The following GBE1 variants were observed in gnomAD, a reference collection of about 807,000 sequenced individuals.
GBE1 encodes the protein 1,4-alpha-glucan-branching enzyme.
A neutral mutation model predicts 88.8 loss-of-function variants in GBE1; 70 were observed. The ratio of observed to expected loss-of-function variants is 0.79; its 90% confidence interval spans 0.65 to 0.96. The LOEUF is 0.96. Ranked by LOEUF, GBE1 falls within the 40% of genes least tolerant of loss-of-function variation. The pLI is 0.00. For synonymous variants in GBE1, 284 were observed against 300.1 expected (o/e 0.95, Z 0.56); for missense variants, 872 against 871.0 (o/e 1.00, Z -0.01).
chr3:81,724,006 AG>A (rs1229645999), intron 1 of GBE1, among the ~76,000 whole-genome samples: 2 of 152,162 alleles, frequency 1.3e-5, no homozygotes, highest in Non-Finnish European at 2.9e-5. Flanking sequence ...GGAAAACACA[AG>A]GTTTCAAATT....
intron 1 of GBE1, among the ~76,000 whole-genome samples, chr3:81,740,135 G>A (rs1706325294): frequency 6.6e-6 from 1 of 152,116 alleles, no homozygotes; most frequent in African/African-American, 2.4e-5. Flanking sequence ...TGAGGCAGGA[G>A]GATTGATTGA....
intron 12 of GBE1, among the ~76,000 whole-genome samples, chr3:81,567,429 G>C (rs1703508434): frequency 6.6e-6 from 1 of 152,140 alleles, no homozygotes; most frequent in African/African-American, 2.4e-5. Flanking sequence ...AAATTCATAT[G>C]TTGAGAAATA....
rs759640224 is a variant in GBE1, at chr3:81,761,339, CCTGT to C, written c.143+32_143+35del. On this transcript the variant is annotated intron_variant, in intron 1 of 15. Transcript: ENST00000429644. ...GAGACGGCTCCTGGGAGGCGGGCTG[CCTGT>C]CTAAGTGGGGGTGGTGGGATTCCGG... The C allele has an allele frequency of 2.2e-5, 34 of 1,576,622 alleles. 1 individual carries two copies. In the East Asian group the frequency reaches 2.4e-4, roughly 11 times the overall value.
chr3:81,606,940 A>G (rs1576167493), intron 7 of GBE1, among the ~76,000 whole-genome samples: 1 of 152,276 alleles, frequency 6.6e-6, no homozygotes, highest in South Asian at 2.1e-4. Flanking sequence ...ACGTTTATTT[A>G]GTTGTTGCTG....
chr3:81,574,439 T>C lies in GBE1; in HGVS notation c.1618+3486A>G, dbSNP rs191831731. Among the ~76,000 whole-genome samples, 108 of 152,306 alleles carry C rather than the reference T, an allele frequency of 7.1e-4. 1 individual carries two copies. The East Asian group carries it at 0.017, about 24-fold the overall frequency. ...GGCACCCACTTTATCACTGAGCCGA[T>C]GAAGGCATAGTTGATGCATCTTACC... is the stretch of plus-strand genomic sequence containing the variant. On this transcript the variant is annotated intron_variant, in intron 12 of 15. Transcript: ENST00000429644.
At position 81,646,502 on chromosome 3, in the gene GBE1, A is replaced by T; in HGVS notation, c.692-20T>A. 1 of 1,331,488 alleles carries T rather than the reference A, an allele frequency of 7.5e-7. No homozygotes were observed. The highest frequency in any genetic ancestry group is 1.4e-5 in the South Asian group (1 of 72,468). 82.5% of individuals were successfully genotyped at this position (1,331,488 alleles called of 1,614,324 possible). ...TGTATCCTATATAAGGCAATGGTCA[A>T]ATCTAAATTAAAAGCCACATTTAAA... On this transcript the variant is annotated intron_variant, in intron 5 of 15. Transcript: ENST00000429644.
chr3:81,697,491 A>G (rs1437714788), intron 2 of GBE1, among the ~76,000 whole-genome samples: 2 of 151,992 alleles, frequency 1.3e-5, no homozygotes, highest in African/African-American at 4.8e-5. Flanking sequence ...TAGTGGAGAC[A>G]GGATTTCACC....
At chr3:81,504,480 G>C (rs1354835901) in intron 14 of GBE1, among the ~76,000 whole-genome samples, 1 of 127,220 alleles carries the variant, frequency 7.9e-6, no homozygotes, top group South Asian at 3.2e-4. Flanking sequence ...AAAATACAGT[G>C]GGAAAAGAAT....
chr3:81,761,225 A>G (rs1706678424), intron 1 of GBE1, 150 bp downstream of exon 1: 1 of 1,008,710 alleles, frequency 9.9e-7, no homozygotes, highest in Non-Finnish European at 1.4e-6. Context: ...GAACCCGGTT[A>G]CCCGAGTCAC....
At chr3:81,520,249 C>T (rs34031239) in intron 14 of GBE1, among the ~76,000 whole-genome samples, 19,603 of 151,508 alleles carry the variant, frequency 0.13, 1,811 homozygotes, top group East Asian at 0.37. Context: ...GGCTGGGCAA[C>T]TCTGTCGGTG....
At chr3:81,599,316 G>GC (rs1704000716) in intron 7 of GBE1, among the ~76,000 whole-genome samples, 1 of 152,008 alleles carries the variant, frequency 6.6e-6, no homozygotes, top group African/African-American at 2.4e-5. Context: ...GTGTGTGTGT[G>GC]CTTGTGTGCG....
intron 10 of GBE1, among the ~76,000 whole-genome samples, chr3:81,582,124 C>T (rs915665658): frequency 2.6e-5 from 4 of 152,038 alleles, no homozygotes; most frequent in African/African-American, 4.8e-5. Flanking sequence ...TTTACTCTCC[C>T]TCTTTAATTC....
At chr3:81,497,507 T>A (rs765515329) in intron 15 of GBE1, among the ~76,000 whole-genome samples, 1 of 152,150 alleles carries the variant, frequency 6.6e-6, no homozygotes, top group Non-Finnish European at 1.5e-5. Flanking sequence ...TGGGGGAAAC[T>A]GCAGTGCAAA....
intron 14 of GBE1, among the ~76,000 whole-genome samples, chr3:81,507,954 C>T (rs1702676187): frequency 1.3e-5 from 2 of 152,080 alleles, no homozygotes; most frequent in South Asian, 4.1e-4. Context: ...TATGCTTCTT[C>T]GGCCATACAT....
At chr3:81,722,492 G>A (rs1271203072) in intron 1 of GBE1, among the ~76,000 whole-genome samples, 1 of 151,616 alleles carries the variant, frequency 6.6e-6, no homozygotes, top group East Asian at 1.9e-4. Context: ...AGTAAATTAT[G>A]AAAGGATCTA....
chr3:81,690,369 C>T (rs1320916702), intron 2 of GBE1, among the ~76,000 whole-genome samples: 2 of 152,114 alleles, frequency 1.3e-5, no homozygotes, highest in East Asian at 1.9e-4. Context: ...ACACTATCAA[C>T]CAAATAAGAC....
intron 14 of GBE1, among the ~76,000 whole-genome samples, chr3:81,510,614 A>G (rs1483710579): frequency 2.0e-5 from 3 of 152,058 alleles, no homozygotes; most frequent in East Asian, 1.9e-4. Context: ...CCCCATATGC[A>G]TTTAAAAAAT....
At chr3:81,528,357 CTAAACT>C (rs1374026242) in intron 14 of GBE1, among the ~76,000 whole-genome samples, 4 of 152,086 alleles carry the variant, frequency 2.6e-5, no homozygotes, top group Non-Finnish European at 4.4e-5. Flanking sequence ...CACATGTACC[CTAAACT>C]TAAAGTATAA....
chr3:81,656,103 G>A (rs901373791), intron 3 of GBE1, among the ~76,000 whole-genome samples: 3 of 152,134 alleles, frequency 2.0e-5, no homozygotes, highest in Admixed American at 2.0e-4. Flanking sequence ...ATGTGGGCAA[G>A]AATCTCTTTG....
Sources: gnomAD v4.1 joint callset for allele counts (sites outside exome capture counted in the v4.1 genomes callset) on GRCh38, gnomAD v4.1.1 for gene constraint, MANE v1.5 for transcripts, NCBI Gene and HGNC (gene_info 2026-07-23, HGNC 2026-07-21) for gene names.